Variants in FLNC observed in about 807,000 individuals in gnomAD.
The protein encoded by FLNC is filamin C.
FLNC carries 91 observed loss-of-function variants against 254.3 expected under a neutral mutation model. The ratio of observed to expected loss-of-function variants is 0.36; its 90% confidence interval spans 0.30 to 0.43. FLNC has a LOEUF of 0.43. Ranked by LOEUF, FLNC falls within the 20% of genes least tolerant of loss-of-function variation. The pLI is 1.00. For missense variants in FLNC, 2,853 were observed against 3,802.6 expected, an observed-to-expected ratio of 0.75 and a Z score of 6.57; for synonymous variants, 1,430 against 1,577.2, an observed-to-expected ratio of 0.91 and a Z score of 2.21.
In FLNC at chr7:128,853,892, G is replaced by C. The variant is rs115660695; in HGVS notation, c.6484+55G>C. ...GGGTGGTGGGAGAGGGCTGGCCCGGGCCAGAGCCCACCTGTCGGGCCTCCA... is the reference window on the plus strand; with the variant it reads ...GGGTGGTGGGAGAGGGCTGGCCCGGCCCAGAGCCCACCTGTCGGGCCTCCA... On this transcript the variant is annotated intron_variant, in intron 39 of 47. Coordinates refer to ENST00000325888, the MANE Select transcript of FLNC (RefSeq NM_001458.5). The C allele has an allele frequency of 8.3e-3, 13,401 of 1,612,960 alleles. 995 individuals carry two copies. The African/African-American group carries it at 0.16, about 19-fold the overall frequency.
intron 40 of FLNC, 61 bp downstream of exon 40, chr7:128,854,277 C>T: frequency 1.2e-6 from 2 of 1,605,286 alleles, no homozygotes; most frequent in Non-Finnish European, 1.7e-6. Flanking sequence ...TGCTGCGGAC[C>T]AGGCTTGATG....
At position 128,856,671 on chromosome 7, in the gene FLNC, C is replaced by A. The variant is rs2128940179; in HGVS notation, c.7384+21C>A. 1 of 1,613,606 alleles carries A rather than the reference C, an allele frequency of 6.2e-7. No individual in the cohort carries two copies. The highest frequency in any genetic ancestry group is 8.5e-7 in the Non-Finnish European group (1 of 1,180,024). On this transcript the variant is annotated intron_variant, in intron 44 of 47. Coordinates refer to ENST00000325888, the MANE Select transcript of FLNC (RefSeq NM_001458.5). The surrounding 1 kb of genome is among the most constrained non-coding windows in gnomAD (Gnocchi z 5.9). ...CAGTGGTGAGCTGGCCCTGCCCCTGCCAACTCCCTTCCGGGCTGGGGCCTT... is the reference window on the plus strand; with the variant it reads ...CAGTGGTGAGCTGGCCCTGCCCCTGACAACTCCCTTCCGGGCTGGGGCCTT...
At position 128,856,944 on chromosome 7, in the gene FLNC, C is replaced by G; in HGVS notation, c.7561+23C>G. The G allele has an allele frequency of 6.2e-7, 1 of 1,612,408 alleles. No homozygotes were observed. The highest frequency in any genetic ancestry group is 8.5e-7 in the Non-Finnish European group (1 of 1,178,954). The stretch of plus-strand genomic sequence containing the variant: ...CCGGTGAGTGCCTGGAGCTGGGGAA[C>G]AGGGTGACTTCTGGGGGTGCTTGGC... On this transcript the variant is annotated intron_variant, in intron 45 of 47. Coordinates refer to ENST00000325888, the MANE Select transcript of FLNC (RefSeq NM_001458.5). The surrounding 1 kb of genome is among the most constrained non-coding windows in gnomAD (Gnocchi z 5.9).
chr7:128,840,914 T>C lies in FLNC; in HGVS notation c.1757T>C (p.Val586Ala), dbSNP rs374132023. Residue 586 changes from valine to alanine, a missense_variant, in exon 11 of 48, where the codon GTG becomes GCG. By Grantham distance (64) the Val-to-Ala change is moderately conservative. Transcript: ENST00000325888. The part of the protein sequence containing the change: ...AWGPGLETGQ[V>A]GKSADFVVEA... ...GGTCCTGGTTTGGAGACTGGCCAGG[T>C]GGGCAAGTCAGCCGATTTTGTGGTG... 64 of 1,610,582 alleles carry C rather than the reference T, an allele frequency of 4.0e-5. No homozygotes were observed. In the African/African-American group the frequency reaches 7.4e-4, roughly 19 times the overall value.
chr7:128,831,328 A>G (rs754687221), intron 1 of FLNC, among the ~76,000 whole-genome samples: 1 of 151,978 alleles, frequency 6.6e-6, no homozygotes, highest in Non-Finnish European at 1.5e-5. Context: ...CCTAGCCCAC[A>G]CTCGGGAGGA....
At chr7:128,839,801 G>A (rs1808252570) in intron 8 of FLNC, among the ~76,000 whole-genome samples, 1 of 152,246 alleles carries the variant, frequency 6.6e-6, no homozygotes, top group Admixed American at 6.5e-5. Context: ...TTTCCCCAGT[G>A]GCACTGGCTC....
In FLNC at chr7:128,847,809, G is replaced by A; in HGVS notation, c.4401G>A (p.Val1467=). The change falls in exon 25 of 48, where the codon GTG becomes GTA. Residue 1467 remains valine (V), a synonymous_variant. Coordinates refer to ENST00000325888, the MANE Select transcript of FLNC (RefSeq NM_001458.5). ...VRARVPQTFT[V]DCSQAGRAPL... The stretch of plus-strand genomic sequence containing the variant: ...CCCGGGTTCCTCAGACCTTCACAGT[G>A]GATTGCAGTCAAGCTGGCCGGGCGC... 1.2e-6 allele frequency: 2 copies of A among 1,613,762 alleles called. No homozygotes were observed. Among genetic ancestry groups the A allele is most frequent in the South Asian group, 1.1e-5 (1 of 91,066 alleles).
In FLNC at chr7:128,844,961, G is replaced by A. The variant is rs1808493748; in HGVS notation, c.3496G>A (p.Glu1166Lys). Residue 1166 changes from glutamate (E) to lysine (K), a missense_variant, in exon 21 of 48, where the codon GAG becomes AAG. Transcript: ENST00000325888. ...SKVRASGPGL[E>K]RGKVGEAATF... ...GGTGCGGGCCAGTGGACCGGGCCTG[G>A]AGCGCGGCAAGGTCGGTGAGGCAGC... 4 of 1,613,878 alleles carry A rather than the reference G, an allele frequency of 2.5e-6. No individual in the cohort carries two copies. Among genetic ancestry groups the A allele is most frequent in the Non-Finnish European group, 3.4e-6 (4 of 1,180,024 alleles).
chr7:128,844,725 C>T lies in FLNC; in HGVS notation c.3260C>T (p.Thr1087Ile). 6.2e-7 allele frequency: 1 copy of T among 1,613,900 alleles called. No homozygotes were observed. Among genetic ancestry groups the T allele is most frequent in the Non-Finnish European group, 8.5e-7 (1 of 1,180,008 alleles). Residue 1087 changes from threonine (T) to isoleucine (I), a missense_variant, in exon 21 of 48, where the codon ACC (threonine) becomes ATC (isoleucine). Coordinates refer to ENST00000325888, the MANE Select transcript of FLNC (RefSeq NM_001458.5). The stretch of plus-strand genomic sequence containing the variant: ...ACCCCCGCGCCATTCTCCATCGACA[C>T]CAAGGGGGCTGGCACAGGTGGCCTG... Reference protein sequence around the residue: ...VGTPAPFSIDTKGAGTGGLGL... With the variant: ...VGTPAPFSIDIKGAGTGGLGL...
chr7:128,854,614 G>C lies in FLNC; in HGVS notation c.6929G>C (p.Gly2310Ala). The change falls in exon 41 of 48, where the codon GGT (glycine) becomes GCT (alanine). Residue 2310 changes from glycine to alanine, a missense_variant. Physicochemically the swap from Gly to Ala is moderately conservative, Grantham distance 60. Around this residue, in one of 10 missense-constraint regions of FLNC, gnomAD observed 551 missense variants for 835.0 expected, o/e 0.66. Coordinates refer to ENST00000325888, the MANE Select transcript of FLNC (RefSeq NM_001458.5). ...TTTCAGTTCACTGTGGGGCCGCTGG[G>C]TGAAGGTGGTGCCCACAAGGTGCGG... ...SPFQFTVGPL[G>A]EGGAHKVRAG... 2 of 1,612,064 alleles carry C rather than the reference G, an allele frequency of 1.2e-6. No individual in the cohort carries two copies. The highest frequency in any genetic ancestry group is 1.7e-6 in the Non-Finnish European group (2 of 1,179,408).
At position 128,851,256 on chromosome 7, in the gene FLNC, A is replaced by T. The variant is rs1292152324; in HGVS notation, c.5564A>T (p.Asp1855Val). 1 of 1,613,866 alleles carries T rather than the reference A, an allele frequency of 6.2e-7. No individual in the cohort carries two copies. The highest frequency in any genetic ancestry group is 1.7e-5 in the Admixed American group (1 of 60,000). Reference protein sequence around the residue: ...IPGSPLQFYVDAINSRHVSAY... With the variant: ...IPGSPLQFYVVAINSRHVSAY... ...GGGAGCCCCTTACAGTTCTATGTGG[A>T]TGCCATCAACAGCCGCCATGTCAGT... Residue 1855 changes from aspartate (D) to valine (V), a missense_variant, in exon 34 of 48, where the codon GAT becomes GTT. Coordinates refer to ENST00000325888, the MANE Select transcript of FLNC (RefSeq NM_001458.5).
chr7:128,853,071 C>T, intron 37 of FLNC, 40 bp downstream of exon 37: 2 of 1,579,312 alleles, frequency 1.3e-6, no homozygotes, highest in Non-Finnish European at 1.7e-6. Context: ...CAGCGGGTGC[C>T]TCCCACAGGC....
In FLNC at chr7:128,836,924, G is replaced by T. The variant is rs988934228; in HGVS notation, c.602-236G>T. 5.3e-5 allele frequency among the ~76,000 whole-genome samples: 8 copies of T among 152,208 alleles called. No homozygotes were observed. Among genetic ancestry groups the T allele is most frequent in the African/African-American group, 1.9e-4 (8 of 41,454 alleles). On this transcript the variant is annotated intron_variant, in intron 2 of 47. Coordinates refer to ENST00000325888, the MANE Select transcript of FLNC (RefSeq NM_001458.5). The surrounding 1 kb of genome is among the most constrained non-coding windows in gnomAD (Gnocchi z 6.0). Reference sequence around the variant, plus strand: ...GGCCGGCCAGCAGGGCTGGTGCCAGGCTGCGTCAGCCAGGGCAGAAAGGCT... The same window carrying T: ...GGCCGGCCAGCAGGGCTGGTGCCAGTCTGCGTCAGCCAGGGCAGAAAGGCT...
At chr7:128,853,100 C>A in intron 37 of FLNC, 69 bp downstream of exon 37, 1 of 1,446,610 alleles carries the variant, frequency 6.9e-7, no homozygotes, top group Non-Finnish European at 9.7e-7. Context: ...TCGTCCTGCC[C>A]AGCACCCCCT....
chr7:128,833,211 C>G (rs1807962673), intron 1 of FLNC, among the ~76,000 whole-genome samples: 1 of 152,244 alleles, frequency 6.6e-6, no homozygotes, highest in African/African-American at 2.4e-5. Context: ...CGCAGCTGTT[C>G]CCCAGTTGCT....
chr7:128,840,144 C>T lies in FLNC; in HGVS notation c.1533C>T (p.Val511=), dbSNP rs2128934896. Residue 511 remains valine (V), a synonymous_variant, in exon 9 of 48, where the codon GTC becomes GTT. Transcript: ENST00000325888. ...GTGCCGGCAGCGGGGAGCTCAAGGT[C>T]ACGGTCAAGGGGCCAAGTGAGTGCC... ...TKGAGSGELK[V]TVKGPKGTEE... 2.5e-6 allele frequency: 4 copies of T among 1,613,932 alleles called. No individual in the cohort carries two copies. The highest frequency in any genetic ancestry group is 2.5e-6 in the Non-Finnish European group (3 of 1,180,022).
intron 24 of FLNC, 139 bp downstream of exon 24, chr7:128,847,044 C>T (rs1054759109): frequency 3.5e-5 from 38 of 1,076,488 alleles, no homozygotes; most frequent in Admixed American, 6.5e-5. Context: ...GGGCCGGAGC[C>T]CGGCCAGAGG....
Position 128,849,455 on chromosome 7 carries a change from G to A in FLNC, c.5076G>A (p.Val1692=). The A allele has an allele frequency of 6.2e-7, 1 of 1,614,246 alleles. No homozygotes were observed. The highest frequency in any genetic ancestry group is 1.3e-5 in the African/African-American group (1 of 75,076). ...CGCCGGATGGGGCAGAGCTCGATGT[G>A]GATGTGGTTGAGAACCATGACGGTA... ...VSTPDGAELD[V]DVVENHDGTF... Residue 1692 remains valine (V), a synonymous_variant, in exon 30 of 48, where the codon GTG becomes GTA. Transcript: ENST00000325888.
At chr7:128,838,522 G>C in intron 7 of FLNC, 81 bp from the exon 8 acceptor site, 2 of 1,581,920 alleles carry the variant, frequency 1.3e-6, no homozygotes, top group Non-Finnish European at 1.7e-6. Context: ...ATGCCAGCCA[G>C]AGGGTGGGCA....
Sources: allele counts gnomAD v4.1 joint callset (sites outside exome capture counted in the v4.1 genomes callset), GRCh38; gene constraint gnomAD v4.1.1; regional missense constraint gnomAD v4.1.1; non-coding constraint Gnocchi (gnomAD v3.1); transcripts MANE v1.5; gene names NCBI Gene and HGNC (gene_info 2026-07-23, HGNC 2026-07-21).